Variants in DRC12 observed in about 807,000 individuals in gnomAD.
The protein encoded by DRC12 is dynein regulatory complex protein 12.
At chr11:119,190,661 G>C in the DRC12 span, 1 of 1,592,294 alleles carries the variant, frequency 6.3e-7, no homozygotes, top group Non-Finnish European at 8.6e-7. This position sits in a 1 kb window ranked among gnomAD's most constrained non-coding sequence, Gnocchi z 4.2. Flanking sequence ...TGTGGGCATG[G>C]GGGAGTCCTG....
the DRC12 span, chr11:119,193,320 G>T: frequency 8.0e-7 from 1 of 1,249,630 alleles, no homozygotes; most frequent in East Asian, 2.3e-5. Context: ...AGTTGTGGGT[G>T]GGGAAGACTC....
chr11:119,190,339 G>T, the DRC12 span: 23 of 1,613,922 alleles, frequency 1.4e-5, no homozygotes, highest in Non-Finnish European at 1.9e-5. The surrounding 1 kb of genome is among the most constrained non-coding windows in gnomAD (Gnocchi z 4.2). Context: ...ATCCAGGGGG[G>T]GTGAGTCCAA....
the DRC12 span, among the ~76,000 whole-genome samples, chr11:119,192,715 C>T: frequency 2.0e-4 from 30 of 152,202 alleles, no homozygotes; most frequent in African/African-American, 6.5e-4. Flanking sequence ...GGCGTGATCT[C>T]GGCTCACTGC....
At chr11:119,195,090 C>A in the DRC12 span, 9 of 1,054,768 alleles carry the variant, frequency 8.5e-6, no homozygotes, top group Non-Finnish European at 1.3e-5. Context: ...TTTGCCACAG[C>A]AGACCTGAGG....
the DRC12 span, chr11:119,194,947 T>C: frequency 6.4e-7 from 1 of 1,551,384 alleles, no homozygotes; most frequent in South Asian, 1.2e-5. Context: ...AGCAGCTCCT[T>C]CTCCAGCACC....
At chr11:119,190,424 A>G in the DRC12 span, 4 of 1,613,984 alleles carry the variant, frequency 2.5e-6, no homozygotes, top group Non-Finnish European at 3.4e-6. This position sits in a 1 kb window ranked among gnomAD's most constrained non-coding sequence, Gnocchi z 4.2. Flanking sequence ...GATGGCTCTC[A>G]GCTTGGCCAA....
chr11:119,190,902 C>T, the DRC12 span: 3 of 1,558,208 alleles, frequency 1.9e-6, no homozygotes, highest in Non-Finnish European at 2.6e-6. The surrounding 1 kb of genome is among the most constrained non-coding windows in gnomAD (Gnocchi z 4.2). Context: ...CCAGTCTCTC[C>T]AAAGGTATCT....
chr11:119,193,939 C>T, the DRC12 span: 1 of 1,522,726 alleles, frequency 6.6e-7, no homozygotes, highest in Non-Finnish European at 8.9e-7. Flanking sequence ...ACTAAATCAG[C>T]CCCCATGAAC....
chr11:119,193,044 A>G, the DRC12 span: 3 of 961,064 alleles, frequency 3.1e-6, no homozygotes, highest in Non-Finnish European at 5.0e-6. Context: ...GTGATCCAAG[A>G]GCCCAGACGG....
the DRC12 span, chr11:119,190,554 G>A: frequency 7.1e-6 from 11 of 1,558,260 alleles, no homozygotes; most frequent in Admixed American, 1.7e-5. This position sits in a 1 kb window ranked among gnomAD's most constrained non-coding sequence, Gnocchi z 4.2. Flanking sequence ...AGACATGGTC[G>A]TATCCCCTCT....
At chr11:119,195,713 AT>A in the DRC12 span, 1 of 532,686 alleles carries the variant, frequency 1.9e-6, no homozygotes, top group Non-Finnish European at 3.3e-6. Context: ...TACAGAAGTC[AT>A]TCCTTGCAAC....
chr11:119,192,208 T>A, the DRC12 span, among the ~76,000 whole-genome samples: 1 of 152,192 alleles, frequency 6.6e-6, no homozygotes, highest in Non-Finnish European at 1.5e-5. Context: ...ACTCCTGGCC[T>A]CAAGCAATTC....
At chr11:119,194,329 A>G in the DRC12 span, among the ~76,000 whole-genome samples, 1 of 151,944 alleles carries the variant, frequency 6.6e-6, no homozygotes, top group Non-Finnish European at 1.5e-5. Context: ...CCTGGCCAAC[A>G]TGGTGAAAAC....
the DRC12 span, chr11:119,195,776 C>G: frequency 5.8e-6 from 2 of 346,836 alleles, no homozygotes; most frequent in Admixed American, 9.1e-5. Context: ...CTCTTCCCAT[C>G]ATCCTCAACC....
At chr11:119,193,321 G>C in the DRC12 span, 26 of 1,241,416 alleles carry the variant, frequency 2.1e-5, no homozygotes, top group Admixed American at 4.4e-4. Flanking sequence ...GTTGTGGGTG[G>C]GGAAGACTCT....
At chr11:119,194,392 T>C in the DRC12 span, among the ~76,000 whole-genome samples, 30,860 of 151,200 alleles carry the variant, frequency 0.2, 3,545 homozygotes, top group East Asian at 0.38. Flanking sequence ...CACGTGCCTG[T>C]AATCCCAGCT....
the DRC12 span, chr11:119,193,242 C>G: frequency 6.2e-7 from 1 of 1,613,964 alleles, no homozygotes; most frequent in African/African-American, 1.3e-5. Flanking sequence ...GGCGACTCAT[C>G]TCTGGGGTGG....
the DRC12 span, chr11:119,193,423 A>AG: frequency 2.3e-6 from 2 of 858,956 alleles, no homozygotes; most frequent in Non-Finnish European, 3.5e-6. Context: ...AGGAAGGGAC[A>AG]GGAAGCCCGA....
At chr11:119,191,033 G>C in the DRC12 span, among the ~76,000 whole-genome samples, 1 of 152,062 alleles carries the variant, frequency 6.6e-6, no homozygotes, top group South Asian at 2.1e-4. Context: ...GCTTGAGATA[G>C]AAGGCTCCAA....
Sources: allele counts gnomAD v4.1 joint callset (sites outside exome capture counted in the v4.1 genomes callset), GRCh38; gene constraint gnomAD v4.1.1; non-coding constraint Gnocchi (gnomAD v3.1); transcripts MANE v1.5; gene names NCBI Gene and HGNC (gene_info 2026-07-23, HGNC 2026-07-21).